The following ADAMTS14 variants were observed in gnomAD, a reference collection of about 807,000 sequenced individuals.
ADAMTS14 encodes A disintegrin and metalloproteinase with thrombospondin motifs 14.
In ADAMTS14, 100 loss-of-function variants were observed where a neutral mutation model predicts 128.6. That is an observed-to-expected ratio of 0.78 (90% CI 0.66 to 0.92). ADAMTS14 has a LOEUF of 0.92. Among genes scored for constraint, ADAMTS14 ranks in the 40% least tolerant of loss-of-function variants. The pLI is 0.00. For synonymous variants in ADAMTS14, 665 were observed against 653.8 expected (o/e 1.02, Z -0.26); for missense variants, 1,562 against 1,658.6 (o/e 0.94, Z 1.01).
intron 4 of ADAMTS14, among the ~76,000 whole-genome samples, chr10:70,712,584 A>T (rs941532693): frequency 6.6e-6 from 1 of 152,166 alleles, no homozygotes; most frequent in African/African-American, 2.4e-5. Flanking sequence ...GACAAAATTG[A>T]TGTTGTGTAG....
At chr10:70,700,793 C>T (rs1187061768) in intron 2 of ADAMTS14, among the ~76,000 whole-genome samples, 1 of 152,202 alleles carries the variant, frequency 6.6e-6, no homozygotes, top group African/African-American at 2.4e-5. Context: ...CAGCCCTCGG[C>T]TCTTGGGCCT....
rs536589689 is a variant in ADAMTS14 at position 70,733,901 on chromosome 10, G to C, written c.1225G>C (p.Asp409His). 6.2e-7 allele frequency: 1 copy of C among 1,613,616 alleles called. No homozygotes were observed. Among genetic ancestry groups the C allele is most frequent in the African/African-American group, 1.3e-5 (1 of 75,044 alleles). The change falls in exon 8 of 22, where the codon GAC (aspartate) becomes CAC (histidine). Residue 409 changes from aspartate (D) to histidine (H), a missense_variant. By Grantham distance (81) the Asp-to-His change is moderately conservative. Transcript: ENST00000373207. ...CCATTCCAGGCTCGGCATGGAGCAT[G>C]ACGGTCAGGGGAATGGCTGTGCAGA... is the stretch of plus-strand genomic sequence containing the variant. ...ETGHVLGMEH[D>H]GQGNGCADET...
chr10:70,694,819 G>A (rs1157486406), intron 2 of ADAMTS14, among the ~76,000 whole-genome samples: 3 of 152,154 alleles, frequency 2.0e-5, no homozygotes, highest in African/African-American at 7.2e-5. Context: ...CATCTTTTGA[G>A]TACTAGGAAT....
In ADAMTS14 at chr10:70,760,918, G is replaced by A. The variant is rs1842599347; in HGVS notation, c.*65G>A. 2 of 1,498,320 alleles carry A rather than the reference G, an allele frequency of 1.3e-6. No homozygotes were observed. 92.8% of individuals were successfully genotyped at this position (1,498,320 alleles called of 1,614,324 possible). On this transcript the variant is annotated 3_prime_UTR_variant, in exon 22 of 22. Transcript: ENST00000373207. ...GTACTGCCCCGTGACTCCCAGCTCA[G>A]AGGACACACATAGCAGGGCAGGCGC...
Position 70,761,191 on chromosome 10 carries a change from TCTG to T in ADAMTS14, c.*339_*341del, listed in dbSNP as rs1842605605. ...CTGGGCAGGTCTGAATCCCGGCTGG[TCTG>T]TAGCTAGAAGCTGTCAGGGCTGCCT... On this transcript the variant is annotated 3_prime_UTR_variant, in exon 22 of 22. Coordinates refer to ENST00000373207, the MANE Select transcript of ADAMTS14 (RefSeq NM_080722.4). 4.2e-6 allele frequency: 1 copy of T among 236,498 alleles called. No individual in the cohort carries two copies. Among genetic ancestry groups the T allele is most frequent in the Non-Finnish European group, 8.2e-6 (1 of 121,754 alleles). The allele number at this position is 236,498 out of a possible 1,614,324, so 14.6% of individuals were successfully genotyped here.
chr10:70,699,779 G>T (rs1454208603), intron 2 of ADAMTS14, among the ~76,000 whole-genome samples: 1 of 152,198 alleles, frequency 6.6e-6, no homozygotes, highest in African/African-American at 2.4e-5. Context: ...ATGGGGGAGG[G>T]CCTTGACCAG....
Position 70,751,646 on chromosome 10 carries a change from G to A in ADAMTS14, c.2596G>A (p.Gly866Arg), listed in dbSNP as rs752594108. ...CCCCTGCAGCAAGGCCTGTGGAGGAGGTACCGGTTCCCTGACCCGCCAGTG... is the reference window on the plus strand; with the variant it reads ...CCCCTGCAGCAAGGCCTGTGGAGGAAGTACCGGTTCCCTGACCCGCCAGTG... ...WAPCSKACGG[G>R]IQFTKYGCRR... Residue 866 changes from glycine (G) to arginine (R), a missense_variant and splice_region_variant, in exon 17 of 22, where the codon GGG becomes AGG. By Grantham distance (125) the Gly-to-Arg change is moderately radical. Transcript: ENST00000373207. 6 of 1,602,698 alleles carry A rather than the reference G, an allele frequency of 3.7e-6. No homozygotes were observed. Among genetic ancestry groups the A allele is most frequent in the Non-Finnish European group, 5.1e-6 (6 of 1,170,584 alleles).
At chr10:70,747,236 C>T (rs960563909) in intron 15 of ADAMTS14, among the ~76,000 whole-genome samples, 3 of 152,262 alleles carry the variant, frequency 2.0e-5, no homozygotes, top group South Asian at 4.1e-4. Flanking sequence ...ATTGTCCCAT[C>T]AGGCCATAGG....
intron 4 of ADAMTS14, among the ~76,000 whole-genome samples, chr10:70,721,695 G>A (rs1345962039): frequency 6.6e-6 from 1 of 151,892 alleles, no homozygotes. Context: ...CCTATCATAT[G>A]TTACTCTTGT....
At chr10:70,705,759 G>C (rs1475519395) in intron 3 of ADAMTS14, among the ~76,000 whole-genome samples, 1 of 152,198 alleles carries the variant, frequency 6.6e-6, no homozygotes, top group Non-Finnish European at 1.5e-5. Context: ...CCATGGGATC[G>C]CCTGTCTTGA....
intron 9 of ADAMTS14, among the ~76,000 whole-genome samples, chr10:70,736,167 T>C (rs1291441184): frequency 6.6e-6 from 1 of 152,190 alleles, no homozygotes; most frequent in Non-Finnish European, 1.5e-5. Context: ...TTAAGGAAGC[T>C]ATGGCTTCTC....
intron 2 of ADAMTS14, among the ~76,000 whole-genome samples, chr10:70,678,563 G>A (rs1487550120): frequency 1.3e-5 from 2 of 152,016 alleles, no homozygotes; most frequent in African/African-American, 4.8e-5. Flanking sequence ...ACCATGTCAG[G>A]TGGGGCTGGG....
At position 70,708,748 on chromosome 10, in the gene ADAMTS14, G is replaced by A. The variant is rs777196934; in HGVS notation, c.840G>A (p.Val280=). 5.2e-6 allele frequency: 8 copies of A among 1,528,336 alleles called. No homozygotes were observed. Among genetic ancestry groups the A allele is most frequent in the South Asian group, 2.2e-5 (2 of 90,068 alleles). The allele number at this position is 1,528,336 out of a possible 1,614,324, so 94.7% of individuals were successfully genotyped here. A position where few individuals can be genotyped will look rare whatever the true frequency, so the allele number is the denominator to read the frequency against. ...SVVRFHGKEH[V]QNYVLTLMNI... ...TTCGCTTCCATGGCAAGGAGCATGT[G>A]CAGAACTATGTCCTCACCCTCATGA... is the stretch of plus-strand genomic sequence containing the variant. Residue 280 remains valine, a synonymous_variant, in exon 4 of 22, where the codon GTG becomes GTA. Coordinates refer to ENST00000373207, the MANE Select transcript of ADAMTS14 (RefSeq NM_080722.4).
rs1158662271 is a variant in ADAMTS14, at chr10:70,760,259, G to A, written c.3179-101G>A. On this transcript the variant is annotated intron_variant, in intron 21 of 21. Transcript: ENST00000373207. ...TTATAGTGGGTCCAGCAGGGGCAGG[G>A]GTGGAGGGCGGGCAGTCAGTGGGTA... 4.1e-6 allele frequency: 6 copies of A among 1,448,052 alleles called. No homozygotes were observed. The Admixed American group carries it at 1.4e-4, about 33-fold the overall frequency. The allele number at this position is 1,448,052 out of a possible 1,614,324, so 89.7% of individuals were successfully genotyped here. A position where few individuals can be genotyped will look rare whatever the true frequency, so the allele number is the denominator to read the frequency against.
At chr10:70,750,945 C>T (rs769344483) in intron 16 of ADAMTS14, among the ~76,000 whole-genome samples, 8 of 152,042 alleles carry the variant, frequency 5.3e-5, no homozygotes, top group Admixed American at 1.3e-4. Context: ...TTCTTAGATA[C>T]GACAGGCACT....
At chr10:70,728,021 A>G (rs7082191) in intron 4 of ADAMTS14, among the ~76,000 whole-genome samples, 42,086 of 151,178 alleles carry the variant, frequency 0.28, 6,758 homozygotes, top group African/African-American at 0.44. Flanking sequence ...GCATGAACCC[A>G]GGAGGTGGAG....
chr10:70,747,771 T>G (rs2791185), intron 15 of ADAMTS14, among the ~76,000 whole-genome samples: 139,342 of 152,256 alleles, frequency 0.92, 63,771 homozygotes, highest in East Asian at 1. Flanking sequence ...AGCGAAGCAG[T>G]GGCGGCCCAG....
intron 16 of ADAMTS14, 26 bp from the exon 17 acceptor site, chr10:70,751,452 T>C: frequency 1.3e-6 from 2 of 1,592,784 alleles, no homozygotes; most frequent in African/African-American, 1.3e-5. Context: ...TCTCTGGTCC[T>C]GTGCCAGCTC....
At chr10:70,736,405 T>C (rs1010178810) in intron 9 of ADAMTS14, among the ~76,000 whole-genome samples, 1 of 152,052 alleles carries the variant, frequency 6.6e-6, no homozygotes, top group Non-Finnish European at 1.5e-5. Context: ...ACAAATGGCC[T>C]CTGTAAAGCG....
Sources: allele counts gnomAD v4.1 joint callset (sites outside exome capture counted in the v4.1 genomes callset), GRCh38; gene constraint gnomAD v4.1.1; transcripts MANE v1.5; gene names NCBI Gene and HGNC (gene_info 2026-07-23, HGNC 2026-07-21).